Variants in HHLA2 observed in about 807,000 individuals in gnomAD.
The protein encoded by HHLA2 is HERV-H LTR-associating protein 2.
A neutral mutation model predicts 45.9 loss-of-function variants in HHLA2; 48 were observed. The observed-to-expected ratio is 1.05, with a 90% CI of 0.83 to 1.33. The LOEUF (loss-of-function observed/expected upper bound fraction) is 1.33, where lower values mean the gene tolerates loss of function less well. Ranked by LOEUF, HHLA2 falls within the 40% of genes most tolerant of loss-of-function variation. The pLI is 0.00. For synonymous variants in HHLA2, 161 were observed against 173.9 expected, an observed-to-expected ratio of 0.93 and a Z score of 0.59; for missense variants, 462 against 494.3, an observed-to-expected ratio of 0.93 and a Z score of 0.62.
chr3:108,351,588 C>A (rs937103896), intron 3 of HHLA2, among the ~76,000 whole-genome samples, 200 bp from the exon 3 acceptor site: 4 of 152,120 alleles, frequency 2.6e-5, no homozygotes, highest in Admixed American at 1.3e-4. Flanking sequence ...AAAAAAGGAA[C>A]CATGCTATTT....
At chr3:108,376,838 G>A (rs2082284999) in intron 10 of HHLA2, 4 of 370,010 alleles carry the variant, frequency 1.1e-5, no homozygotes, top group Non-Finnish European at 2.0e-5. Flanking sequence ...ATATGAGGGT[G>A]AGCCAATGTA....
intron 3 of HHLA2, among the ~76,000 whole-genome samples, chr3:108,348,091 A>T (rs2081701490): frequency 6.6e-6 from 1 of 152,102 alleles, no homozygotes; most frequent in Admixed American, 6.6e-5. Context: ...TACAGATTAT[A>T]TTCAGAGTGT....
intron 3 of HHLA2, among the ~76,000 whole-genome samples, chr3:108,331,883 A>G (rs1250078533): frequency 6.6e-6 from 1 of 152,136 alleles, no homozygotes; most frequent in African/African-American, 2.4e-5. Context: ...GAAAACAATC[A>G]TGAAATTTTA....
intron 3 of HHLA2, among the ~76,000 whole-genome samples, chr3:108,344,857 T>G (rs560434199): frequency 6.6e-6 from 1 of 152,204 alleles, no homozygotes; most frequent in Non-Finnish European, 1.5e-5. Context: ...CTAGCTATAT[T>G]CTTTCTGATA....
intron 8 of HHLA2, among the ~76,000 whole-genome samples, chr3:108,367,333 C>T (rs1369870029): frequency 6.6e-6 from 1 of 152,032 alleles, no homozygotes; most frequent in African/African-American, 2.4e-5. Context: ...CCAGCAAGAG[C>T]ACAAAATTGG....
intron 8 of HHLA2, among the ~76,000 whole-genome samples, chr3:108,370,955 C>T (rs560208316): frequency 6.6e-6 from 1 of 152,204 alleles, no homozygotes; most frequent in African/African-American, 2.4e-5. Context: ...GGCCAACACT[C>T]AAATTCAGGA....
At chr3:108,306,918 C>T (rs1337614804) in intron 1 of HHLA2, among the ~76,000 whole-genome samples, 3 of 152,216 alleles carry the variant, frequency 2.0e-5, no homozygotes, top group East Asian at 3.9e-4. Flanking sequence ...TGCAATGGCA[C>T]GATCTCGGCT....
At chr3:108,311,242 T>C (rs1033525061) in intron 2 of HHLA2, among the ~76,000 whole-genome samples, 5 of 152,166 alleles carry the variant, frequency 3.3e-5, no homozygotes, top group African/African-American at 1.2e-4. Context: ...CTAAACTGCC[T>C]CTTGAGTAAT....
chr3:108,369,112 C>A (rs1432421200), intron 8 of HHLA2, among the ~76,000 whole-genome samples: 1 of 152,120 alleles, frequency 6.6e-6, no homozygotes, highest in Non-Finnish European at 1.5e-5. Flanking sequence ...ACAACCTGCT[C>A]CTGAATGACT....
At chr3:108,317,224 G>A (rs1347072429) in intron 2 of HHLA2, among the ~76,000 whole-genome samples, 10 of 152,154 alleles carry the variant, frequency 6.6e-5, no homozygotes, top group African/African-American at 2.4e-4. Context: ...TTAATCCAAG[G>A]GTAGAGTTTA....
chr3:108,359,040 G>T (rs954670004), intron 7 of HHLA2, among the ~76,000 whole-genome samples: 1 of 152,090 alleles, frequency 6.6e-6, no homozygotes, highest in African/African-American at 2.4e-5. Flanking sequence ...CACTTTGAGA[G>T]TAGAGAATGA....
intron 3 of HHLA2, among the ~76,000 whole-genome samples, chr3:108,339,660 G>A (rs9784361): frequency 0.69 from 104,561 of 151,982 alleles, 37,012 homozygotes; most frequent in African/African-American, 0.81. Context: ...CAAGAGAAAA[G>A]AGAAAATTAT....
intron 8 of HHLA2, among the ~76,000 whole-genome samples, chr3:108,365,399 G>C (rs1411833238): frequency 6.6e-6 from 1 of 152,124 alleles, no homozygotes; most frequent in African/African-American, 2.4e-5. Context: ...GGTTACTGTA[G>C]CCTTGTGGTA....
At chr3:108,339,665 A>T (rs1229756058) in intron 3 of HHLA2, among the ~76,000 whole-genome samples, 2 of 152,124 alleles carry the variant, frequency 1.3e-5, no homozygotes, top group Non-Finnish European at 2.9e-5. Context: ...GAAAAGAGAA[A>T]ATTATTGATT....
At chr3:108,330,092 C>T (rs536704641) in intron 3 of HHLA2, among the ~76,000 whole-genome samples, 1 of 152,256 alleles carries the variant, frequency 6.6e-6, no homozygotes, top group South Asian at 2.1e-4. Flanking sequence ...GCCATTCACA[C>T]AGCACAGCAG....
At chr3:108,308,005 A>AT (rs1399460308) in intron 1 of HHLA2, among the ~76,000 whole-genome samples, 1 of 152,196 alleles carries the variant, frequency 6.6e-6, no homozygotes, top group Admixed American at 6.5e-5. Context: ...TGTCCTTTGA[A>AT]TTACAAATAA....
At chr3:108,327,136 CA>C (rs1214050660) in intron 2 of HHLA2, among the ~76,000 whole-genome samples, 11 of 152,268 alleles carry the variant, frequency 7.2e-5, no homozygotes, top group African/African-American at 2.4e-4. Flanking sequence ...TTTCTTTGAT[CA>C]CTTAGAATAA....
At chr3:108,339,989 G>A (rs1170259923) in intron 3 of HHLA2, among the ~76,000 whole-genome samples, 1 of 152,162 alleles carries the variant, frequency 6.6e-6, no homozygotes, top group Non-Finnish European at 1.5e-5. Context: ...AACAGATGTG[G>A]CCCCAAATAA....
At chr3:108,342,079 C>G (rs1034860508) in intron 3 of HHLA2, among the ~76,000 whole-genome samples, 1 of 152,104 alleles carries the variant, frequency 6.6e-6, no homozygotes, top group Non-Finnish European at 1.5e-5. Context: ...TAGAGGCAGT[C>G]GCGTCCTGCA....
Sources: allele counts gnomAD v4.1 joint callset (sites outside exome capture counted in the v4.1 genomes callset), GRCh38; gene constraint gnomAD v4.1.1; transcripts MANE v1.5; gene names NCBI Gene and HGNC (gene_info 2026-07-23, HGNC 2026-07-21).